Variants in DET1 observed in about 807,000 individuals in gnomAD.
DET1 encodes the protein DET1 partner of COP1 E3 ubiquitin ligase.
Under a neutral mutation model 43.7 loss-of-function variants are expected in DET1, and 22 were observed. The observed-to-expected ratio is 0.50, with a 90% CI of 0.36 to 0.72. DET1 has a LOEUF of 0.72. DET1 is among the 30% of genes least tolerant of loss of function. DET1 has a pLI of 0.00. For synonymous variants in DET1, 315 were observed against 266.2 expected (o/e 1.18, Z -1.79); for missense variants, 713 against 713.3 (o/e 1.00, Z 0.00).
intron 3 of DET1, among the ~76,000 whole-genome samples, chr15:88,521,248 G>C (rs2056482575): frequency 6.6e-6 from 1 of 152,112 alleles, no homozygotes; most frequent in Admixed American, 6.6e-5. Flanking sequence ...TCTTCTTCCT[G>C]CTATCCACAT....
intron 1 of DET1, among the ~76,000 whole-genome samples, chr15:88,534,789 A>G (rs2056905965): frequency 6.6e-6 from 1 of 152,264 alleles, no homozygotes; most frequent in African/African-American, 2.4e-5. Context: ...TACAAATTGC[A>G]AATTCCCTGA....
intron 2 of DET1, among the ~76,000 whole-genome samples, chr15:88,529,958 C>A (rs971270714): frequency 3.3e-5 from 5 of 152,162 alleles, no homozygotes; most frequent in Non-Finnish European, 7.3e-5. Context: ...GCATTCTTCC[C>A]CCAAACTGAA....
At chr15:88,533,597 G>A (rs376949945) in intron 1 of DET1, among the ~76,000 whole-genome samples, 23 of 151,988 alleles carry the variant, frequency 1.5e-4, no homozygotes, top group African/African-American at 3.4e-4. Flanking sequence ...AATATTACTC[G>A]GCCTTCAAAA....
chr15:88,533,288 A>G (rs1048881510), intron 1 of DET1, among the ~76,000 whole-genome samples: 1 of 152,196 alleles, frequency 6.6e-6, no homozygotes, highest in African/African-American at 2.4e-5. Flanking sequence ...GAAAATGACA[A>G]GTTTCATTGA....
At chr15:88,524,862 T>C (rs1172878051) in intron 3 of DET1, among the ~76,000 whole-genome samples, 1 of 152,292 alleles carries the variant, frequency 6.6e-6, no homozygotes, top group South Asian at 2.1e-4. Flanking sequence ...CTTGTTCACA[T>C]GTTTATCTGC....
chr15:88,530,132 C>T (rs1222724347), intron 2 of DET1, among the ~76,000 whole-genome samples: 1 of 152,162 alleles, frequency 6.6e-6, no homozygotes, highest in African/African-American at 2.4e-5. Flanking sequence ...TATTAGTTAC[C>T]TTATAAATAG....
chr15:88,534,709 C>A (rs1199483854), intron 1 of DET1, among the ~76,000 whole-genome samples: 1 of 152,168 alleles, frequency 6.6e-6, no homozygotes, highest in African/African-American at 2.4e-5. Flanking sequence ...ATACATGGGA[C>A]AGATCCAAAT....
At chr15:88,536,396 A>T in intron 1 of DET1, 1 of 748,712 alleles carries the variant, frequency 1.3e-6, no homozygotes, top group South Asian at 1.4e-5. Context: ...GAGAAGGGAC[A>T]GTTAAGCGCT....
chr15:88,533,696 T>C (rs886354279), intron 1 of DET1, among the ~76,000 whole-genome samples: 154 of 152,022 alleles, frequency 1.0e-3, no homozygotes, highest in African/African-American at 3.7e-3. Flanking sequence ...ACAAATACTG[T>C]ATGATTCCAC....
At chr15:88,535,812 G>T (rs1188460946) in intron 1 of DET1, among the ~76,000 whole-genome samples, 5 of 151,662 alleles carry the variant, frequency 3.3e-5, no homozygotes, top group Non-Finnish European at 7.4e-5. Context: ...AAAGATGAAA[G>T]AAAGGAAGGA....
intron 3 of DET1, among the ~76,000 whole-genome samples, chr15:88,521,723 ACTT>A (rs1373458405): frequency 6.6e-6 from 1 of 152,100 alleles, no homozygotes; most frequent in Non-Finnish European, 1.5e-5. Flanking sequence ...GATTTTAATG[ACTT>A]CAAGCTTTCA....
At chr15:88,510,650 C>G (rs944282750), downstream of DET1, among the ~76,000 whole-genome samples, 1 of 152,102 alleles carries the variant, frequency 6.6e-6, no homozygotes, top group Non-Finnish European at 1.5e-5. Flanking sequence ...GGGATTATGC[C>G]CAGGTAAACC....
chr15:88,519,462 C>A (rs1223618207), intron 3 of DET1, among the ~76,000 whole-genome samples: 1 of 152,138 alleles, frequency 6.6e-6, no homozygotes, highest in Non-Finnish European at 1.5e-5. Context: ...CCTCTCTAGT[C>A]ACAGGGTAGA....
chr15:88,518,497 GAAAAC>G (rs998214331), intron 3 of DET1, among the ~76,000 whole-genome samples: 1 of 151,930 alleles, frequency 6.6e-6, no homozygotes, highest in African/African-American at 2.4e-5. Context: ...AAAACACAAA[GAAAAC>G]AAAAACTCAC....
At chr15:88,538,582 G>A (rs8025586) in intron 1 of DET1, among the ~76,000 whole-genome samples, 13,486 of 152,138 alleles carry the variant, frequency 0.089, 1,275 homozygotes, top group East Asian at 0.52. Context: ...TCACCGGCTA[G>A]TAAAGGACTC....
chr15:88,515,880 AAGG>A (rs1404166055), intron 4 of DET1, among the ~76,000 whole-genome samples: 2 of 152,138 alleles, frequency 1.3e-5, no homozygotes, highest in Non-Finnish European at 2.9e-5. Context: ...TGGGTACATG[AAGG>A]TTTATTATGC....
chr15:88,538,521 C>T (rs1598347350), intron 1 of DET1, among the ~76,000 whole-genome samples: 2 of 151,944 alleles, frequency 1.3e-5, no homozygotes, highest in Middle Eastern at 6.8e-3. Context: ...AAAAGTTAAT[C>T]AAGCCCCTTC....
At position 88,533,374 on chromosome 15, in the gene DET1, T is replaced by C. The variant is rs147636467; in HGVS notation, c.-10-1659A>G. Among the ~76,000 whole-genome samples the C allele has an allele frequency of 6.0e-3, 907 of 152,296 alleles. 8 individuals are homozygous for C. Among genetic ancestry groups the C allele is most frequent in the Non-Finnish European group, 7.1e-3 (481 of 68,030 alleles). The stretch of plus-strand genomic sequence containing the variant: ...AGTACAGCTACTAAGGAAAACAGTA[T>C]GAAGGTTCCTTGAAGAAAATTAGAA... On this transcript the variant is annotated intron_variant, in intron 1 of 4. Transcript: ENST00000268148.
chr15:88,546,426 G>T (rs12915079), intron 1 of DET1, 114 bp downstream of exon 1: 104,500 of 152,202 alleles, frequency 0.69, 36,073 homozygotes, highest in South Asian at 0.82. Flanking sequence ...GGAAGAGAAT[G>T]CTGAGGGAGG....
Sources: gnomAD v4.1 joint callset for allele counts (sites outside exome capture counted in the v4.1 genomes callset) on GRCh38, gnomAD v4.1.1 for gene constraint, MANE v1.5 for transcripts, NCBI Gene and HGNC (gene_info 2026-07-23, HGNC 2026-07-21) for gene names.